MAL2: variants seen among roughly 807,000 people sequenced by gnomAD.
MAL2 encodes mal, T cell differentiation protein 2.
MAL2 carries 17 observed loss-of-function variants against 18.1 expected under a neutral mutation model. The observed-to-expected ratio is 0.94, with a 90% CI of 0.64 to 1.41. The LOEUF (loss-of-function observed/expected upper bound fraction) is 1.41, where lower values mean the gene tolerates loss of function less well. Ranked by LOEUF, MAL2 falls within the 40% of genes most tolerant of loss-of-function variation. The probability of loss-of-function intolerance (pLI) is 0.00; values close to 1 mark genes in which losing one functional copy is unlikely to be tolerated. For missense variants in MAL2, 222 were observed against 231.9 expected (o/e 0.96, Z 0.28); for synonymous variants, 102 against 102.3 (o/e 1.00, Z 0.02).
intron 2 of MAL2, among the ~76,000 whole-genome samples, chr8:119,226,906 C>G (rs1817608617): frequency 6.6e-6 from 1 of 152,186 alleles, no homozygotes; most frequent in African/African-American, 2.4e-5. Flanking sequence ...CAGAAATGAT[C>G]TGGGCTGTCA....
chr8:119,226,949 T>C (rs1265593763), intron 2 of MAL2, among the ~76,000 whole-genome samples: 1 of 152,182 alleles, frequency 6.6e-6, no homozygotes, highest in Non-Finnish European at 1.5e-5. Context: ...GAAGACCTTC[T>C]TAACACACAT....
At chr8:119,238,523 C>G (rs916140533) in intron 2 of MAL2, among the ~76,000 whole-genome samples, 2 of 151,038 alleles carry the variant, frequency 1.3e-5, no homozygotes, top group Non-Finnish European at 3.0e-5. Context: ...TGACTTCAAA[C>G]TATACTACAA....
intron 1 of MAL2, among the ~76,000 whole-genome samples, chr8:119,214,391 CT>C (rs1295388678): frequency 6.6e-6 from 1 of 152,074 alleles, no homozygotes; most frequent in African/African-American, 2.4e-5. Flanking sequence ...GTACCATATC[CT>C]TTTATAGACA....
rs1587115356 is a variant in MAL2 at position 119,209,274 on chromosome 8, T to G, written c.132+670T>G. ...CAATGGTGGGGGAAAGATGGAAACG[T>G]GGCTCTCGAGTTCTTCTCTGCCTGC... On this transcript the variant is annotated intron_variant, in intron 1 of 3. Coordinates refer to ENST00000614891, the MANE Select transcript of MAL2 (RefSeq NM_052886.3). 3 of 152,826 alleles carry G rather than the reference T, an allele frequency of 2.0e-5. 1 individual carries two copies. The highest frequency in any genetic ancestry group is 6.8e-3 in the Middle Eastern group (2 of 294). The allele number at this position is 152,826 out of a possible 1,614,324, so 9.5% of individuals were successfully genotyped here.
At chr8:119,232,946 T>C (rs1249900734) in intron 2 of MAL2, among the ~76,000 whole-genome samples, 1 of 152,210 alleles carries the variant, frequency 6.6e-6, no homozygotes, top group Non-Finnish European at 1.5e-5. Context: ...CACTGTGGGC[T>C]GAGAGACAGT....
chr8:119,212,326 A>G (rs575633999), intron 1 of MAL2, among the ~76,000 whole-genome samples: 41 of 152,350 alleles, frequency 2.7e-4, no homozygotes, highest in Non-Finnish European at 4.6e-4. Flanking sequence ...GAAACTACTT[A>G]TATTCCCCAA....
intron 2 of MAL2, among the ~76,000 whole-genome samples, chr8:119,238,157 G>C (rs1044910865): frequency 6.6e-6 from 1 of 152,186 alleles, no homozygotes; most frequent in African/African-American, 2.4e-5. Flanking sequence ...CAAACAGGGA[G>C]CCAAATCATG....
intron 1 of MAL2, among the ~76,000 whole-genome samples, chr8:119,211,412 CAT>C (rs756283599): frequency 1.1e-4 from 17 of 152,168 alleles, no homozygotes; most frequent in Non-Finnish European, 1.3e-4. Context: ...TGAAACTTAA[CAT>C]GTGAAAATTG....
chr8:119,235,306 G>A (rs1034167634), intron 2 of MAL2, among the ~76,000 whole-genome samples: 1 of 152,142 alleles, frequency 6.6e-6, no homozygotes, highest in South Asian at 2.1e-4. Context: ...TATGTGAAAA[G>A]ACCAAATCTA....
chr8:119,238,380 C>T (rs1290824656), intron 2 of MAL2, among the ~76,000 whole-genome samples: 1 of 152,094 alleles, frequency 6.6e-6, no homozygotes, highest in African/African-American at 2.4e-5. Flanking sequence ...CAATGCCATC[C>T]CCATCAAGCT....
intron 2 of MAL2, among the ~76,000 whole-genome samples, chr8:119,229,191 G>A (rs28574990): frequency 0.023 from 3,467 of 152,258 alleles, 119 homozygotes; most frequent in African/African-American, 0.077. Context: ...CACATAGTAT[G>A]CCTAATCCCG....
At chr8:119,213,480 AT>A (rs1249160478) in intron 1 of MAL2, among the ~76,000 whole-genome samples, 1 of 151,950 alleles carries the variant, frequency 6.6e-6, no homozygotes, top group East Asian at 1.9e-4. Flanking sequence ...AACTGTAGGT[AT>A]TTTTTTTCCT....
At chr8:119,210,832 A>G (rs1817256952) in intron 1 of MAL2, among the ~76,000 whole-genome samples, 1 of 152,202 alleles carries the variant, frequency 6.6e-6, no homozygotes, top group Non-Finnish European at 1.5e-5. Flanking sequence ...GGCCAACTCA[A>G]TAAGTTTACA....
chr8:119,233,265 A>G (rs1285003152), intron 2 of MAL2, among the ~76,000 whole-genome samples: 1 of 152,236 alleles, frequency 6.6e-6, no homozygotes, highest in African/African-American at 2.4e-5. Context: ...TAAAAGAACT[A>G]GAAAAGCAAG....
intron 2 of MAL2, among the ~76,000 whole-genome samples, chr8:119,235,013 G>C (rs954877883): frequency 1.3e-5 from 2 of 151,814 alleles, no homozygotes; most frequent in Admixed American, 1.3e-4. Context: ...ATTACTCTGA[G>C]CTACAGGAGG....
At position 119,244,079 on chromosome 8, in the gene MAL2, T is replaced by C. The variant is rs1015776442; in HGVS notation, c.*591T>C. ...TGTGGTTATGTTCTAATAAAACTTA[T>C]TTATAAAAACAAGGGGAGGCTGGGT... On this transcript the variant is annotated 3_prime_UTR_variant, in exon 4 of 4. Coordinates refer to ENST00000614891, the MANE Select transcript of MAL2 (RefSeq NM_052886.3). 1 of 152,170 alleles carries C rather than the reference T, an allele frequency of 6.6e-6. No homozygotes were observed. Among genetic ancestry groups the C allele is most frequent in the Non-Finnish European group, 1.5e-5 (1 of 68,044 alleles). 9.4% of individuals were successfully genotyped at this position (152,170 alleles called of 1,614,324 possible).
intron 2 of MAL2, among the ~76,000 whole-genome samples, chr8:119,227,982 G>A (rs1289822899): frequency 2.3e-5 from 3 of 129,108 alleles, no homozygotes; most frequent in African/African-American, 7.8e-5. Flanking sequence ...TCTGCTTCAG[G>A]CCAGTATTGC....
At position 119,221,777 on chromosome 8, in the gene MAL2, A is replaced by G; in HGVS notation, c.303+20A>G. On this transcript the variant is annotated intron_variant, in intron 2 of 3. Coordinates refer to ENST00000614891, the MANE Select transcript of MAL2 (RefSeq NM_052886.3). ...TTCCTGGTAAGGACTTTTTATTTTA[A>G]GTCTATTGCAGGAAGATGGGAGAAA... is the stretch of plus-strand genomic sequence containing the variant. 1 of 1,611,222 alleles carries G rather than the reference A, an allele frequency of 6.2e-7. No homozygotes were observed. Among genetic ancestry groups the G allele is most frequent in the Non-Finnish European group, 8.5e-7 (1 of 1,178,246 alleles).
chr8:119,242,386 C>T (rs1243641683), intron 3 of MAL2, among the ~76,000 whole-genome samples: 1 of 152,162 alleles, frequency 6.6e-6, no homozygotes, highest in Non-Finnish European at 1.5e-5. Context: ...TTCAACATTA[C>T]ATCCCATTTC....
Sources: gnomAD v4.1 joint callset for allele counts (sites outside exome capture counted in the v4.1 genomes callset) on GRCh38, gnomAD v4.1.1 for gene constraint, MANE v1.5 for transcripts, NCBI Gene and HGNC (gene_info 2026-07-23, HGNC 2026-07-21) for gene names.